AMMECR1: variants seen among roughly 807,000 people sequenced by gnomAD.
AMMECR1 encodes AMMECR nuclear protein 1.
A neutral mutation model predicts 22.5 loss-of-function variants in AMMECR1; 3 were observed. That is an observed-to-expected ratio of 0.13 (90% CI 0.06 to 0.35). The LOEUF (loss-of-function observed/expected upper bound fraction) is 0.35, where lower values mean the gene tolerates loss of function less well. Among genes scored for constraint, AMMECR1 ranks in the 10% least tolerant of loss-of-function variants. The probability of loss-of-function intolerance (pLI) is 1.00; values close to 1 mark genes in which losing one functional copy is unlikely to be tolerated. For missense variants in AMMECR1, 235 were observed against 278.7 expected, an observed-to-expected ratio of 0.84 and a Z score of 1.12; for synonymous variants, 130 against 116.7, an observed-to-expected ratio of 1.11 and a Z score of -0.74.
chrX:110,399,677 G>T (rs1446605070), intron 2 of AMMECR1, among the ~76,000 whole-genome samples: 1 of 111,672 alleles, frequency 9.0e-6, no homozygotes, highest in Non-Finnish European at 1.9e-5. Flanking sequence ...TGTGCGGCTA[G>T]CCTGCATTAC....
intron 1 of AMMECR1, among the ~76,000 whole-genome samples, chrX:110,295,149 C>T (rs927240542): frequency 9.0e-6 from 1 of 111,456 alleles, no homozygotes; most frequent in African/African-American, 3.3e-5. Flanking sequence ...TAGATGTACA[C>T]ATTTAGTGAT....
intron 2 of AMMECR1, among the ~76,000 whole-genome samples, chrX:110,400,668 A>G (rs1456049147): frequency 9.0e-6 from 1 of 111,482 alleles, no homozygotes; most frequent in Non-Finnish European, 1.9e-5. Context: ...TGTCTCGCAA[A>G]TATTTTCTCT....
chrX:110,432,767 C>T (rs1484788888), intron 1 of AMMECR1, among the ~76,000 whole-genome samples: 1 of 112,392 alleles, frequency 8.9e-6, no homozygotes, highest in Admixed American at 9.4e-5. Flanking sequence ...CTCTCTTTCC[C>T]CACCCCTGCT....
intron 2 of AMMECR1, among the ~76,000 whole-genome samples, chrX:110,238,549 C>T (rs1356172936): frequency 8.9e-6 from 1 of 112,287 alleles, no homozygotes; most frequent in East Asian, 2.8e-4. Flanking sequence ...CAGCCCCAGT[C>T]AGGGACTTTC....
intron 2 of AMMECR1, among the ~76,000 whole-genome samples, chrX:110,377,174 T>C (rs1236237526): frequency 8.9e-6 from 1 of 112,011 alleles, no homozygotes. Context: ...GGAATCCTGC[T>C]AGTTGAGTGT....
chrX:110,342,051 C>G (rs1478222487), intron 2 of AMMECR1, among the ~76,000 whole-genome samples: 1 of 109,264 alleles, frequency 9.2e-6, no homozygotes, highest in Non-Finnish European at 1.9e-5. Context: ...AGAGTGAGAC[C>G]CTGTCTCATT....
At chrX:110,230,218 C>T (rs922165882) in intron 2 of AMMECR1, among the ~76,000 whole-genome samples, 1 of 112,468 alleles carries the variant, frequency 8.9e-6, no homozygotes, top group Non-Finnish European at 1.9e-5. Context: ...GGTCCCTGAC[C>T]CCCGTGTAGC....
chrX:110,319,098 CTT>C (rs1253781343), upstream of AMMECR1, among the ~76,000 whole-genome samples: 1 of 112,235 alleles, frequency 8.9e-6, no homozygotes, highest in Non-Finnish European at 1.9e-5. Flanking sequence ...ATAATTAGCT[CTT>C]AATATTCATT....
rs1320989166 is a variant in AMMECR1, at chrX:110,200,763, C to T, written c.887+191G>A. Among the ~76,000 whole-genome samples the T allele has an allele frequency of 5.4e-5, 6 of 112,103 alleles. No individual in the cohort carries two copies. The Admixed American group carries it at 5.7e-4, about 11-fold the overall frequency. ...CAGAGCTAAAGATGGGAAAGATAGG[C>T]TCATACATCACACAGGCTTTACTAC... On this transcript the variant is annotated intron_variant, in intron 5 of 5. Transcript: ENST00000262844.
chrX:110,320,526 A>G (rs1472024252), upstream of AMMECR1, among the ~76,000 whole-genome samples: 3 of 112,178 alleles, frequency 2.7e-5, no homozygotes, highest in East Asian at 2.8e-4. Context: ...TAATCTCCCA[A>G]TTTAGAATTT....
chrX:110,375,855 C>T (rs1209968386), intron 2 of AMMECR1, among the ~76,000 whole-genome samples: 1 of 111,674 alleles, frequency 9.0e-6, no homozygotes, highest in Non-Finnish European at 1.9e-5. Flanking sequence ...AATAAAACAT[C>T]AGAATCTGTG....
intron 2 of AMMECR1, among the ~76,000 whole-genome samples, chrX:110,398,963 A>G (rs2068546194): frequency 8.9e-6 from 1 of 112,061 alleles, no homozygotes; most frequent in Non-Finnish European, 1.9e-5. Flanking sequence ...GCTATGACTG[A>G]TTATTGATAC....
At chrX:110,407,938 G>A (rs141375238) in intron 2 of AMMECR1, among the ~76,000 whole-genome samples, 35 of 112,456 alleles carry the variant, frequency 3.1e-4, no homozygotes, top group African/African-American at 1.0e-3. Flanking sequence ...GACTATCAAC[G>A]GCCTGGGTCT....
intron 2 of AMMECR1, among the ~76,000 whole-genome samples, chrX:110,323,753 C>T (rs2068087567): frequency 9.2e-6 from 1 of 109,289 alleles, no homozygotes; most frequent in African/African-American, 3.3e-5. Context: ...GTTTTCATTT[C>T]TCTCATTTCA....
chrX:110,360,006 A>G (rs1438519036), intron 2 of AMMECR1, among the ~76,000 whole-genome samples: 1 of 112,150 alleles, frequency 8.9e-6, no homozygotes, highest in Admixed American at 9.5e-5. Context: ...CATGCAGAGA[A>G]AAGCATAGTA....
At chrX:110,266,724 A>G (rs1313947458) in intron 1 of AMMECR1, among the ~76,000 whole-genome samples, 3 of 108,145 alleles carry the variant, frequency 2.8e-5, no homozygotes, top group Non-Finnish European at 5.7e-5. Flanking sequence ...GTTCTGGGGT[A>G]CATGTGCAGA....
intron 2 of AMMECR1, among the ~76,000 whole-genome samples, chrX:110,260,257 CAT>C (rs753095782): frequency 9.0e-6 from 1 of 111,655 alleles, no homozygotes; most frequent in East Asian, 2.8e-4. Flanking sequence ...ATGTACTTCT[CAT>C]AAACTTTTCA....
rs1482050566 is a variant in AMMECR1, at chrX:110,421,150, G to A, written c.-148+5508C>T. Among the ~76,000 whole-genome samples the A allele has an allele frequency of 3.6e-5, 4 of 112,306 alleles. No homozygotes were observed. In the East Asian group the frequency reaches 8.4e-4, roughly 23 times the overall value. On this transcript the variant is annotated intron_variant, in intron 2 of 7. Transcript: ENST00000372057. ...CTGACTTTTTTGCACAGCCCAGCCC[G>A]TGAAAATGGATCACTCTGATGTATG...
chrX:110,411,710 T>C (rs373781025), intron 2 of AMMECR1, among the ~76,000 whole-genome samples: 12 of 112,194 alleles, frequency 1.1e-4, no homozygotes, highest in African/African-American at 3.6e-4. Context: ...AAGACAATGG[T>C]TTATTATTCA....
Sources: gnomAD v4.1 joint callset for allele counts (sites outside exome capture counted in the v4.1 genomes callset) on GRCh38, gnomAD v4.1.1 for gene constraint, MANE v1.5 for transcripts, NCBI Gene and HGNC (gene_info 2026-07-23, HGNC 2026-07-21) for gene names.